The following CPNE8 variants were observed in gnomAD, a reference collection of about 807,000 sequenced individuals.
CPNE8 encodes copine-8.
CPNE8 carries 45 observed loss-of-function variants against 81.5 expected under a neutral mutation model. That is an observed-to-expected ratio of 0.55 (90% confidence interval 0.44 to 0.71). The LOEUF (loss-of-function observed/expected upper bound fraction) is 0.71. Ranked by LOEUF, CPNE8 falls within the 30% of genes least tolerant of loss-of-function variation. The probability of loss-of-function intolerance (pLI) is 0.00; values close to 1 mark genes in which losing one functional copy is unlikely to be tolerated. For synonymous variants in CPNE8, 252 were observed against 226.3 expected (o/e 1.11, Z -1.02); for missense variants, 594 against 672.1 (o/e 0.88, Z 1.28).
At chr12:38,772,851 C>T (rs1311750126) in intron 7 of CPNE8, among the ~76,000 whole-genome samples, 2 of 151,734 alleles carry the variant, frequency 1.3e-5, no homozygotes, top group African/African-American at 4.8e-5. Flanking sequence ...ACAAATAAGT[C>T]AAGATATTGA....
At chr12:38,813,823 C>T (rs1311294650) in intron 6 of CPNE8, among the ~76,000 whole-genome samples, 1 of 152,046 alleles carries the variant, frequency 6.6e-6, no homozygotes, top group Non-Finnish European at 1.5e-5. Context: ...TCGAGAGAGC[C>T]AGAAGAAAAC....
intron 10 of CPNE8, among the ~76,000 whole-genome samples, chr12:38,731,111 T>C (rs1229986639): frequency 1.3e-5 from 2 of 151,954 alleles, no homozygotes; most frequent in African/African-American, 4.8e-5. Context: ...GTTAATTTAA[T>C]GGCCAGTGCT....
At chr12:38,803,371 G>A (rs910517979) in intron 6 of CPNE8, among the ~76,000 whole-genome samples, 7 of 143,592 alleles carry the variant, frequency 4.9e-5, no homozygotes, top group Non-Finnish European at 7.6e-5. Context: ...ATCAATAAAT[G>A]TAATCCAGCA....
intron 13 of CPNE8, among the ~76,000 whole-genome samples, chr12:38,704,259 A>G (rs1047996069): frequency 1.3e-5 from 2 of 152,170 alleles, no homozygotes; most frequent in Non-Finnish European, 2.9e-5. Flanking sequence ...CTAAAATAAA[A>G]GTTGGAAAAA....
intron 13 of CPNE8, chr12:38,721,041 T>C: frequency 6.5e-6 from 1 of 152,850 alleles, no homozygotes; most frequent in Admixed American, 6.5e-5. Flanking sequence ...GCCTGGCTTC[T>C]CCCTGCTGTT....
intron 1 of CPNE8, among the ~76,000 whole-genome samples, chr12:38,892,064 A>G (rs1565665406): frequency 6.6e-6 from 1 of 152,244 alleles, no homozygotes; most frequent in African/African-American, 2.4e-5. Flanking sequence ...CTAGTAAAAT[A>G]TCACAAATTG....
rs1591990296 is a variant in CPNE8, at chr12:38,653,307, T to A, written c.*575A>T. On this transcript the variant is annotated 3_prime_UTR_variant, in exon 20 of 20. Transcript: ENST00000331366. ...AAGCAGATGTAGTTTCTTAAGACAATCCAGTTACTGAAAAATAGAAAAGCA... is the reference window on the plus strand; with the variant it reads ...AAGCAGATGTAGTTTCTTAAGACAAACCAGTTACTGAAAAATAGAAAAGCA... The A allele has an allele frequency of 6.6e-6, 1 of 152,610 alleles. No homozygotes were observed. Among genetic ancestry groups the A allele is most frequent in the Admixed American group, 6.5e-5 (1 of 15,276 alleles). 9.5% of individuals were successfully genotyped at this position (152,610 alleles called of 1,614,324 possible).
intron 1 of CPNE8, among the ~76,000 whole-genome samples, chr12:38,881,156 G>C (rs1287685241): frequency 6.6e-6 from 1 of 150,476 alleles, no homozygotes; most frequent in African/African-American, 2.5e-5. Context: ...CTTGCAGTGA[G>C]CCGAGATCGC....
intron 15 of CPNE8, 105 bp from the exon 16 acceptor site, chr12:38,685,722 T>G: frequency 8.6e-7 from 1 of 1,157,716 alleles, no homozygotes; most frequent in Admixed American, 2.5e-5. Context: ...ACACTCATAT[T>G]TTTTGAGGAA....
chr12:38,801,446 C>A (rs1942667326), intron 6 of CPNE8, among the ~76,000 whole-genome samples: 1 of 46,188 alleles, frequency 2.2e-5, no homozygotes, highest in South Asian at 8.9e-4. Context: ...ACTTTATAGA[C>A]AAGCAAATGG....
chr12:38,790,837 T>G (rs147841224), intron 6 of CPNE8, among the ~76,000 whole-genome samples: 3 of 151,842 alleles, frequency 2.0e-5, no homozygotes, highest in African/African-American at 7.2e-5. Flanking sequence ...TAATTTGTTT[T>G]TTGTGTGATT....
chr12:38,879,534 C>T (rs1357582195), intron 1 of CPNE8, among the ~76,000 whole-genome samples: 1 of 152,064 alleles, frequency 6.6e-6, no homozygotes, highest in Non-Finnish European at 1.5e-5. Flanking sequence ...TTGAATTCTT[C>T]ATATGTATAA....
At chr12:38,905,981 A>G, upstream of CPNE8, 2 of 985,194 alleles carry the variant, frequency 2.0e-6, no homozygotes, top group South Asian at 9.4e-5. Flanking sequence ...CTGCACACCC[A>G]CACTCGCCTC....
chr12:38,793,742 C>A (rs980299367), intron 6 of CPNE8, among the ~76,000 whole-genome samples: 1 of 151,790 alleles, frequency 6.6e-6, no homozygotes. Flanking sequence ...TCATATAGAA[C>A]CTCGAGGGAC....
intron 16 of CPNE8, among the ~76,000 whole-genome samples, chr12:38,685,177 T>C (rs1298681149): frequency 6.6e-6 from 1 of 152,232 alleles, no homozygotes; most frequent in African/African-American, 2.4e-5. Flanking sequence ...TTTACACAGT[T>C]GGCATCACCA....
intron 3 of CPNE8, among the ~76,000 whole-genome samples, chr12:38,858,415 C>T (rs1428977511): frequency 1.3e-5 from 2 of 152,252 alleles, no homozygotes; most frequent in African/African-American, 2.4e-5. Context: ...AGCAGAGTTA[C>T]TGCTCTTTGC....
chr12:38,678,876 T>C (rs993247993), intron 16 of CPNE8, among the ~76,000 whole-genome samples: 2 of 151,802 alleles, frequency 1.3e-5, no homozygotes, highest in Non-Finnish European at 3.0e-5. Context: ...TACTGAACAA[T>C]TGATTCTGGA....
chr12:38,672,798 A>G (rs961356276), intron 18 of CPNE8, among the ~76,000 whole-genome samples: 1 of 152,198 alleles, frequency 6.6e-6, no homozygotes, highest in Non-Finnish European at 1.5e-5. Context: ...ATACAGAGTT[A>G]AATTTAAATA....
chr12:38,763,599 A>C (rs535293003), intron 8 of CPNE8, among the ~76,000 whole-genome samples: 24 of 152,194 alleles, frequency 1.6e-4, no homozygotes, highest in Non-Finnish European at 4.4e-5. Flanking sequence ...AGAATTCATG[A>C]AGCCTTAAGC....
Sources: allele counts gnomAD v4.1 joint callset (sites outside exome capture counted in the v4.1 genomes callset), GRCh38; gene constraint gnomAD v4.1.1; transcripts MANE v1.5; gene names NCBI Gene and HGNC (gene_info 2026-07-23, HGNC 2026-07-21).